RALGPS1: variants seen among roughly 807,000 people sequenced by gnomAD.
The protein encoded by RALGPS1 is Ral GEF with PH domain and SH3 binding motif 1.
Under a neutral mutation model 78.8 loss-of-function variants are expected in RALGPS1, and 19 were observed. The ratio of observed to expected loss-of-function variants is 0.24; its 90% confidence interval spans 0.17 to 0.35. RALGPS1 has a LOEUF of 0.35. Among genes scored for constraint, RALGPS1 ranks in the 10% least tolerant of loss-of-function variants. RALGPS1 has a pLI of 1.00. For synonymous variants in RALGPS1, 228 were observed against 256.3 expected, an observed-to-expected ratio of 0.89 and a Z score of 1.06; for missense variants, 454 against 688.3, an observed-to-expected ratio of 0.66 and a Z score of 3.81.
chr9:126,942,287 CTT>C (rs879862520), intron 1 of RALGPS1, among the ~76,000 whole-genome samples: 1 of 145,138 alleles, frequency 6.9e-6, no homozygotes. Flanking sequence ...ACTCTTAGGA[CTT>C]TTTTTTTTTA....
chr9:126,994,737 C>T (rs1258480151), intron 4 of RALGPS1, among the ~76,000 whole-genome samples: 1 of 151,934 alleles, frequency 6.6e-6, no homozygotes, highest in Non-Finnish European at 1.5e-5. Flanking sequence ...GTCAGATTCA[C>T]CAAAGTTGAA....
In RALGPS1 at chr9:127,205,341, T is replaced by G. The variant is rs2061875475; in HGVS notation, c.1247+6275T>G. On this transcript the variant is annotated intron_variant, in intron 14 of 18. Coordinates refer to ENST00000259351, the MANE Select transcript of RALGPS1 (RefSeq NM_014636.3). This position sits in a 1 kb window ranked among gnomAD's most constrained non-coding sequence, Gnocchi z 4.0. ...AGCCCAGTTAGAAAATTTGCCAGCTTCTGATTTGGGTTTCCCTCCGATATG... is the reference window on the plus strand; with the variant it reads ...AGCCCAGTTAGAAAATTTGCCAGCTGCTGATTTGGGTTTCCCTCCGATATG... Among the ~76,000 whole-genome samples the G allele has an allele frequency of 6.6e-6, 1 of 152,218 alleles. No homozygotes were observed. Among genetic ancestry groups the G allele is most frequent in the African/African-American group, 2.4e-5 (1 of 41,454 alleles).
At chr9:126,931,710 G>A (rs2035804608) in intron 1 of RALGPS1, among the ~76,000 whole-genome samples, 2 of 152,112 alleles carry the variant, frequency 1.3e-5, no homozygotes, top group Admixed American at 6.5e-5. Context: ...CAGTGGTTGT[G>A]CAACTTAGTG....
intron 10 of RALGPS1, among the ~76,000 whole-genome samples, chr9:127,170,443 GA>G (rs2139752176): frequency 6.6e-6 from 1 of 152,280 alleles, no homozygotes; most frequent in Non-Finnish European, 1.5e-5. Flanking sequence ...ACTATAATAA[GA>G]AATTGTGATC....
At chr9:127,120,535 G>A (rs577870662) in intron 8 of RALGPS1, among the ~76,000 whole-genome samples, 1 of 152,306 alleles carries the variant, frequency 6.6e-6, no homozygotes, top group South Asian at 2.1e-4. Flanking sequence ...AAAGAATTTG[G>A]GTCTCTGGCC....
rs950653616 is a variant in RALGPS1, at chr9:127,105,288, C to T, written c.610+35932C>T. On this transcript the variant is annotated intron_variant, in intron 8 of 18. Coordinates refer to ENST00000259351, the MANE Select transcript of RALGPS1 (RefSeq NM_014636.3). ...AAATCACTGCCATTCCCTCCCATGA[C>T]GGCGTGCTTTCTTAAGTGGGAGACA... is the stretch of plus-strand genomic sequence containing the variant. Among the ~76,000 whole-genome samples, 36 of 152,198 alleles carry T rather than the reference C, an allele frequency of 2.4e-4. 1 individual carries two copies. The highest frequency in any genetic ancestry group is 2.4e-3 in the Admixed American group (36 of 15,286).
At chr9:127,197,991 T>C (rs2061431266) in intron 13 of RALGPS1, among the ~76,000 whole-genome samples, 1 of 152,180 alleles carries the variant, frequency 6.6e-6, no homozygotes, top group South Asian at 2.1e-4. Context: ...AAACAGCTGT[T>C]TTATATCCAG....
intron 8 of RALGPS1, among the ~76,000 whole-genome samples, chr9:127,165,341 C>T (rs1032105980): frequency 5.3e-5 from 8 of 152,226 alleles, no homozygotes; most frequent in African/African-American, 1.9e-4. Flanking sequence ...GCCAGCGGCC[C>T]TTCCCCTTCC....
chr9:127,091,589 C>G lies in RALGPS1; in HGVS notation c.610+22233C>G. Reference sequence around the variant, plus strand: ...TCTCACCCTGGGATCTTCCCGTTTCCAAGCCCTGGAGTCAGGGGCTCTGGC... The same window carrying G: ...TCTCACCCTGGGATCTTCCCGTTTCGAAGCCCTGGAGTCAGGGGCTCTGGC... On this transcript the variant is annotated intron_variant, in intron 8 of 18. Coordinates refer to ENST00000259351, the MANE Select transcript of RALGPS1 (RefSeq NM_014636.3). The surrounding 1 kb of genome is among the most constrained non-coding windows in gnomAD (Gnocchi z 4.3). 1 of 1,530,550 alleles carries G rather than the reference C, an allele frequency of 6.5e-7. No individual in the cohort carries two copies. The highest frequency in any genetic ancestry group is 8.8e-7 in the Non-Finnish European group (1 of 1,138,530). 94.8% of individuals were successfully genotyped at this position (1,530,550 alleles called of 1,614,324 possible). A position where few individuals can be genotyped will look rare whatever the true frequency, so the allele number is the denominator to read the frequency against.
At chr9:127,134,140 A>T (rs1266920452) in intron 8 of RALGPS1, among the ~76,000 whole-genome samples, 1 of 152,002 alleles carries the variant, frequency 6.6e-6, no homozygotes, top group Non-Finnish European at 1.5e-5. Flanking sequence ...CCACGATGGG[A>T]TGGCTGCCCA....
At position 127,182,460 on chromosome 9, in the gene RALGPS1, C is replaced by T. The variant is rs186179232; in HGVS notation, c.910+7678C>T. Reference sequence around the variant, plus strand: ...TTTTTTTTTTTTTTTGACGGAGTCTCGCTCTGTCACCCAGGCTGGAGTGCA... The same window carrying T: ...TTTTTTTTTTTTTTTGACGGAGTCTTGCTCTGTCACCCAGGCTGGAGTGCA... On this transcript the variant is annotated intron_variant, in intron 11 of 18. Transcript: ENST00000259351. Among the ~76,000 whole-genome samples the T allele has an allele frequency of 4.3e-5, 6 of 139,408 alleles. No homozygotes were observed. In the South Asian group the frequency reaches 7.0e-4, roughly 16 times the overall value. 91.5% of individuals were successfully genotyped at this position (139,408 alleles called of 152,430 possible).
intron 8 of RALGPS1, chr9:127,087,460 T>C (rs1283739375): frequency 6.6e-6 from 1 of 152,612 alleles, no homozygotes; most frequent in African/African-American, 2.4e-5. Flanking sequence ...TGGTACACTT[T>C]GTGAGAAATG....
intron 8 of RALGPS1, among the ~76,000 whole-genome samples, chr9:127,163,281 G>A (rs2059120533): frequency 6.6e-6 from 1 of 152,132 alleles, no homozygotes; most frequent in Admixed American, 6.5e-5. Flanking sequence ...ACGCTTCAGG[G>A]TGGTAACTGA....
intron 1 of RALGPS1, among the ~76,000 whole-genome samples, chr9:126,958,287 A>G (rs2132004278): frequency 6.6e-6 from 1 of 151,952 alleles, no homozygotes; most frequent in African/African-American, 2.4e-5. Context: ...TTATTGCAGT[A>G]TAATTTATAT....
At chr9:127,209,745 C>A (rs908621028) in intron 14 of RALGPS1, among the ~76,000 whole-genome samples, 2 of 152,086 alleles carry the variant, frequency 1.3e-5, no homozygotes, top group Non-Finnish European at 2.9e-5. Flanking sequence ...AGGACAAAGG[C>A]CCCTGGGCAG....
At chr9:127,166,727 A>G (rs1471446966) in intron 9 of RALGPS1, among the ~76,000 whole-genome samples, 2 of 152,158 alleles carry the variant, frequency 1.3e-5, no homozygotes, top group African/African-American at 4.8e-5. Flanking sequence ...GCTAGGAGAT[A>G]TAATCTAGCT....
chr9:127,067,880 A>G (rs745418448), intron 7 of RALGPS1, among the ~76,000 whole-genome samples: 3 of 152,194 alleles, frequency 2.0e-5, no homozygotes, highest in Non-Finnish European at 4.4e-5. Flanking sequence ...CTTTCTGCCT[A>G]GACTTCTTTC....
At position 127,218,862 on chromosome 9, in the gene RALGPS1, A is replaced by G; in HGVS notation, c.*93A>G. 2 of 1,434,570 alleles carry G rather than the reference A, an allele frequency of 1.4e-6. No homozygotes were observed. Among genetic ancestry groups the G allele is most frequent in the Non-Finnish European group, 2.0e-6 (2 of 1,017,560 alleles). The allele number at this position is 1,434,570 out of a possible 1,614,324, so 88.9% of individuals were successfully genotyped here. A position where few individuals can be genotyped will look rare whatever the true frequency, so the allele number is the denominator to read the frequency against. On this transcript the variant is annotated 3_prime_UTR_variant, in exon 19 of 19. Coordinates refer to ENST00000259351, the MANE Select transcript of RALGPS1 (RefSeq NM_014636.3). This position sits in a 1 kb window ranked among gnomAD's most constrained non-coding sequence, Gnocchi z 4.4. ...CAGTCCTGGGCACAGGCTGTGAGCC[A>G]GGGTGCTGGGAAACTCACAGCTGGA...
chr9:126,974,324 C>T (rs1209030509), intron 3 of RALGPS1, among the ~76,000 whole-genome samples: 1 of 152,192 alleles, frequency 6.6e-6, no homozygotes, highest in Non-Finnish European at 1.5e-5. Flanking sequence ...TTCTGTGAGT[C>T]AAAGCAGGAA....
Sources: gnomAD v4.1 joint callset for allele counts (sites outside exome capture counted in the v4.1 genomes callset) on GRCh38, gnomAD v4.1.1 for gene constraint, Gnocchi (gnomAD v3.1) non-coding constraint, MANE v1.5 for transcripts, NCBI Gene and HGNC (gene_info 2026-07-23, HGNC 2026-07-21) for gene names.